Variants in TTC1 observed in about 807,000 individuals in gnomAD.
TTC1 encodes the protein tetratricopeptide repeat domain 1.
TTC1 carries 31 observed loss-of-function variants against 37.6 expected under a neutral mutation model. The ratio of observed to expected loss-of-function variants is 0.82; its 90% CI spans 0.62 to 1.11. The LOEUF is 1.11. Among genes scored for constraint, TTC1 ranks in the 50% most tolerant of loss-of-function variants. The probability of loss-of-function intolerance (pLI) is 0.00; values close to 1 mark genes in which losing one functional copy is unlikely to be tolerated. For synonymous variants in TTC1, 127 were observed against 122.4 expected (o/e 1.04, Z -0.25); for missense variants, 351 against 339.0 (o/e 1.04, Z -0.28).
In TTC1 at chr5:160,050,423, G is replaced by A. The variant is rs1581116863; in HGVS notation, c.691-706G>A. Reference sequence around the variant, plus strand: ...GATTGCGCCACTGCACTCCAGTCTGGGCGACAGTGTGAGACTCTGTCTTAA... The same window carrying A: ...GATTGCGCCACTGCACTCCAGTCTGAGCGACAGTGTGAGACTCTGTCTTAA... On this transcript the variant is annotated intron_variant, in intron 6 of 7. Transcript: ENST00000231238. Among the ~76,000 whole-genome samples the A allele has an allele frequency of 3.3e-5, 5 of 152,172 alleles. No individual in the cohort carries two copies. The East Asian group carries it at 9.7e-4, about 29-fold the overall frequency.
intron 2 of TTC1, among the ~76,000 whole-genome samples, chr5:160,017,419 A>G (rs1478944177): frequency 6.6e-6 from 1 of 152,078 alleles, no homozygotes; most frequent in Non-Finnish European, 1.5e-5. Flanking sequence ...GCTCCCTTCA[A>G]CCTCTTTTAT....
At chr5:160,021,425 G>A (rs530528074) in intron 2 of TTC1, among the ~76,000 whole-genome samples, 7 of 152,326 alleles carry the variant, frequency 4.6e-5, no homozygotes, top group South Asian at 2.1e-4. Context: ...TTGTTGGGCC[G>A]AATTTAAGCA....
chr5:160,052,568 A>AAAC (rs1757431850), intron 7 of TTC1, among the ~76,000 whole-genome samples: 1 of 151,672 alleles, frequency 6.6e-6, no homozygotes, highest in African/African-American at 2.4e-5. Context: ...AAAAAAAAAA[A>AAAC]AAAAAACTGT....
rs368316975 is a variant in TTC1 at position 160,028,230 on chromosome 5, C to T, written c.331-6910C>T. ...AGGAGAATGGCGTGAACCCGGGAGGCGGAGCTTGCAGTGAGCCAAGATCAC... is the reference window on the plus strand; with the variant it reads ...AGGAGAATGGCGTGAACCCGGGAGGTGGAGCTTGCAGTGAGCCAAGATCAC... On this transcript the variant is annotated intron_variant, in intron 2 of 7. Coordinates refer to ENST00000231238, the MANE Select transcript of TTC1 (RefSeq NM_003314.3). Among the ~76,000 whole-genome samples the T allele has an allele frequency of 8.3e-4, 122 of 146,554 alleles. 2 individuals are homozygous for T. The highest frequency in any genetic ancestry group is 2.9e-3 in the African/African-American group (116 of 39,468).
At chr5:160,045,524 T>A (rs1489836817) in intron 5 of TTC1, among the ~76,000 whole-genome samples, 250 of 106,358 alleles carry the variant, frequency 2.4e-3, no homozygotes, top group Non-Finnish European at 2.5e-3. Context: ...ATACACACTC[T>A]CTCTCTCTCT....
chr5:160,043,268 C>A, intron 5 of TTC1, 99 bp downstream of exon 5: 2 of 1,268,748 alleles, frequency 1.6e-6, no homozygotes, highest in South Asian at 1.5e-5. Context: ...TGTACCCTTC[C>A]TCTGGGGCCT....
chr5:160,017,702 C>T (rs990787922), intron 2 of TTC1, among the ~76,000 whole-genome samples: 2 of 152,176 alleles, frequency 1.3e-5, no homozygotes, highest in Non-Finnish European at 2.9e-5. Context: ...AATTCATATG[C>T]ACATGCTGAG....
In TTC1 at chr5:160,023,980, T is replaced by G. The variant is rs967647539; in HGVS notation, c.331-11160T>G. 1.1e-5 allele frequency: 17 copies of G among 1,548,262 alleles called. No individual in the cohort carries two copies. In the African/African-American group the frequency reaches 2.2e-4, roughly 20 times the overall value. The stretch of plus-strand genomic sequence containing the variant: ...GTATCAGAGAGTATTTGGTCCCACC[T>G]GGTTGCATGAAACAATCTTTTGCAA... On this transcript the variant is annotated intron_variant, in intron 2 of 7. Coordinates refer to ENST00000231238, the MANE Select transcript of TTC1 (RefSeq NM_003314.3).
intron 2 of TTC1, among the ~76,000 whole-genome samples, chr5:160,021,510 G>A (rs1444160038): frequency 6.6e-6 from 1 of 152,048 alleles, no homozygotes; most frequent in Non-Finnish European, 1.5e-5. Context: ...AAGAAACAAG[G>A]GACTATTTCC....
chr5:160,022,097 T>C (rs1455477350), intron 2 of TTC1, among the ~76,000 whole-genome samples: 1 of 152,218 alleles, frequency 6.6e-6, no homozygotes, highest in Non-Finnish European at 1.5e-5. Context: ...TTCCCCCTGT[T>C]TGTCTGTTGA....
intron 2 of TTC1, among the ~76,000 whole-genome samples, chr5:160,012,121 A>T (rs1309561815): frequency 6.6e-6 from 1 of 152,222 alleles, no homozygotes; most frequent in East Asian, 1.9e-4. Context: ...ATAACATTAT[A>T]ACAGGTTTCA....
chr5:160,064,906 T>C, intron 7 of TTC1, 26 bp from the exon 8 acceptor site: 1 of 1,602,996 alleles, frequency 6.2e-7, no homozygotes, highest in Non-Finnish European at 8.5e-7. Flanking sequence ...CCTGTATTCA[T>C]TTGAGTTTTT....
intron 2 of TTC1, among the ~76,000 whole-genome samples, chr5:160,028,980 G>T (rs1237443686): frequency 6.6e-6 from 1 of 152,042 alleles, no homozygotes; most frequent in African/African-American, 2.4e-5. Context: ...ATATAGAAAA[G>T]ATAATTCCAT....
intron 5 of TTC1, among the ~76,000 whole-genome samples, chr5:160,047,927 C>T (rs1013336660): frequency 1.3e-5 from 2 of 151,836 alleles, no homozygotes; most frequent in Non-Finnish European, 2.9e-5. Context: ...AATTATATAC[C>T]TGTCTGTTCT....
chr5:160,064,864 G>A, intron 7 of TTC1, 68 bp from the exon 8 acceptor site: 1 of 1,518,434 alleles, frequency 6.6e-7, no homozygotes, highest in Non-Finnish European at 8.9e-7. Context: ...GGTAAGGCAA[G>A]ATTAATTGGT....
chr5:160,013,626 C>G (rs1315151507), intron 2 of TTC1, among the ~76,000 whole-genome samples: 3 of 151,730 alleles, frequency 2.0e-5, no homozygotes, highest in Non-Finnish European at 4.4e-5. Context: ...GCCTGTAATC[C>G]CAGCTACTTG....
Position 160,036,673 on chromosome 5 carries a change from C to T in TTC1, c.392-18C>T, listed in dbSNP as rs759964829. On this transcript the variant is annotated intron_variant, in intron 3 of 7. Coordinates refer to ENST00000231238, the MANE Select transcript of TTC1 (RefSeq NM_003314.3). ...GAATAAAATCAAAATGACCATTCAT[C>T]CTTTCTCTTATCCTCAGATTATATA... 9.1e-6 allele frequency: 14 copies of T among 1,532,682 alleles called. No individual in the cohort carries two copies. The highest frequency in any genetic ancestry group is 1.4e-5 in the African/African-American group (1 of 73,350). The allele number at this position is 1,532,682 out of a possible 1,614,324, so 94.9% of individuals were successfully genotyped here.
intron 7 of TTC1, 55 bp from the exon 8 acceptor site, chr5:160,064,877 C>T (rs1753552962): frequency 1.3e-6 from 2 of 1,561,038 alleles, no homozygotes; most frequent in Non-Finnish European, 1.7e-6. Flanking sequence ...TAATTGGTAC[C>T]TTCCTGCTTC....
In TTC1 at chr5:160,050,978, T is replaced by G. The variant is rs950901257; in HGVS notation, c.691-151T>G. ...GCACCACAAACATAAATACTTGGGGTTTTTTTTTTTTATTTAATAGGATCA... is the reference window on the plus strand; with the variant it reads ...GCACCACAAACATAAATACTTGGGGGTTTTTTTTTTTATTTAATAGGATCA... On this transcript the variant is annotated intron_variant, in intron 6 of 7. Transcript: ENST00000231238. 12 of 292,286 alleles carry G rather than the reference T, an allele frequency of 4.1e-5. No individual in the cohort carries two copies. The African/African-American group carries it at 5.5e-4, about 13-fold the overall frequency. 18.1% of individuals were successfully genotyped at this position (292,286 alleles called of 1,614,324 possible).
Sources: gnomAD v4.1 joint callset for allele counts (sites outside exome capture counted in the v4.1 genomes callset) on GRCh38, gnomAD v4.1.1 for gene constraint, MANE v1.5 for transcripts, NCBI Gene and HGNC (gene_info 2026-07-23, HGNC 2026-07-21) for gene names.